CALCRL: variants seen among roughly 807,000 people sequenced by gnomAD.
The protein encoded by CALCRL is calcitonin receptor like receptor.
CALCRL carries 27 observed loss-of-function variants against 60.4 expected under a neutral mutation model. The ratio of observed to expected loss-of-function variants is 0.45; its 90% CI spans 0.33 to 0.62. The LOEUF (loss-of-function observed/expected upper bound fraction) is 0.62. Ranked by LOEUF, CALCRL falls within the 20% of genes least tolerant of loss-of-function variation. The pLI, the probability that CALCRL is intolerant of heterozygous loss-of-function variation, is 0.03. For synonymous variants in CALCRL, 190 were observed against 182.6 expected (o/e 1.04, Z -0.33); for missense variants, 424 against 540.7 (o/e 0.78, Z 2.14).
intron 1 of CALCRL, among the ~76,000 whole-genome samples, chr2:187,409,933 G>A (rs1689285840): frequency 1.3e-5 from 2 of 152,188 alleles, no homozygotes; most frequent in Admixed American, 1.3e-4. Flanking sequence ...AGAGAGCTGT[G>A]TCAGGTGAGG....
intron 12 of CALCRL, among the ~76,000 whole-genome samples, chr2:187,353,693 G>A (rs1241739567): frequency 6.6e-6 from 1 of 151,920 alleles, no homozygotes; most frequent in Non-Finnish European, 1.5e-5. Flanking sequence ...AAATCAACAT[G>A]TCAGCTGTTA....
chr2:187,342,328 C>T lies in CALCRL; in HGVS notation c.*3856G>A, dbSNP rs1378215423. ...AATGTAATGAAATTGGTGATGGTAG[C>T]GTGTCTCTATGGATGTATTAAAATA... On this transcript the variant is annotated 3_prime_UTR_variant, in exon 15 of 15. Transcript: ENST00000392370. 1.3e-5 allele frequency among the ~76,000 whole-genome samples: 2 copies of T among 151,562 alleles called. No individual in the cohort carries two copies. Among genetic ancestry groups the T allele is most frequent in the South Asian group, 2.1e-4 (1 of 4,828 alleles).
At position 187,346,152 on chromosome 2, in the gene CALCRL, C is replaced by A. The variant is rs1464291988; in HGVS notation, c.*32G>T. The A allele has an allele frequency of 7.1e-7, 1 of 1,414,298 alleles. No homozygotes were observed. The highest frequency in any genetic ancestry group is 1.2e-5 in the South Asian group (1 of 81,610). The allele number at this position is 1,414,298 out of a possible 1,614,324, so 87.6% of individuals were successfully genotyped here. On this transcript the variant is annotated 3_prime_UTR_variant, in exon 15 of 15. Transcript: ENST00000392370. ...GTCCAAGTCCTTGAGTTAGGAGAAG[C>A]ACAAAACAGTGAGACAACCATCCTT...
chr2:187,411,324 G>A (rs188712235), intron 1 of CALCRL, among the ~76,000 whole-genome samples: 1 of 152,226 alleles, frequency 6.6e-6, no homozygotes, highest in Admixed American at 6.5e-5. Context: ...TCTTGTTCAT[G>A]AGTGTATGTA....
intron 8 of CALCRL, among the ~76,000 whole-genome samples, chr2:187,377,112 G>T (rs1687789295): frequency 6.6e-6 from 1 of 152,102 alleles, no homozygotes; most frequent in African/African-American, 2.4e-5. Context: ...GCAAGTTAAT[G>T]ATTTTGATTT....
chr2:187,352,116 G>A lies in CALCRL; in HGVS notation c.1126C>T (p.Gln376Ter), dbSNP rs1686560939. The change falls in exon 13 of 15, where the codon CAG (glutamine) becomes TAG (stop). Residue 376 changes from glutamine to a stop codon, truncating the protein, a stop_gained and splice_region_variant. Coordinates refer to ENST00000392370, the MANE Select transcript of CALCRL (RefSeq NM_005795.6). LOFTEE classifies it high-confidence loss of function. ...DYIMHILMHFQGLLVSTIFCF... is the reference protein window; with the variant it reads ...DYIMHILMHF Reference sequence around the variant, plus strand: ...CCTTCTTATCAAGAATGCCATACCTGGAAGTGCATAAGGATGTGCATGATG... The same window carrying A: ...CCTTCTTATCAAGAATGCCATACCTAGAAGTGCATAAGGATGTGCATGATG... 6.2e-7 allele frequency: 1 copy of A among 1,610,624 alleles called. No homozygotes were observed. Among genetic ancestry groups the A allele is most frequent in the Admixed American group, 1.7e-5 (1 of 59,782 alleles).
At chr2:187,391,993 T>G (rs1441308666) in intron 1 of CALCRL, among the ~76,000 whole-genome samples, 1 of 152,126 alleles carries the variant, frequency 6.6e-6, no homozygotes, top group African/African-American at 2.4e-5. Flanking sequence ...AAAGCATGTT[T>G]TATTGTACAT....
At position 187,373,749 on chromosome 2, in the gene CALCRL, A is replaced by G. The variant is rs752130750; in HGVS notation, c.500+5191T>C. 6.5e-4 allele frequency among the ~76,000 whole-genome samples: 99 copies of G among 152,334 alleles called. 1 individual carries two copies. Among genetic ancestry groups the G allele is most frequent in the Non-Finnish European group, 1.1e-3 (76 of 68,030 alleles). ...ATAGCAAATCTATGATGTAGATACT[A>G]ATATGATCTGCATTTTTAATATGTA... On this transcript the variant is annotated intron_variant, in intron 8 of 14. Transcript: ENST00000392370.
intron 1 of CALCRL, among the ~76,000 whole-genome samples, chr2:187,439,892 G>C (rs1473700388): frequency 6.6e-6 from 1 of 152,056 alleles, no homozygotes; most frequent in African/African-American, 2.4e-5. Flanking sequence ...TGGAAGAAGA[G>C]ACATTTAAAG....
intron 8 of CALCRL, among the ~76,000 whole-genome samples, chr2:187,374,173 CAAGA>C (rs542506562): frequency 1.3e-5 from 2 of 151,578 alleles, no homozygotes; most frequent in Non-Finnish European, 1.5e-5. Flanking sequence ...ATCTCTAAAA[CAAGA>C]AAGAAAGAAA....
At chr2:187,386,158 GA>G (rs1158132211) in intron 3 of CALCRL, among the ~76,000 whole-genome samples, 1 of 57,160 alleles carries the variant, frequency 1.7e-5, no homozygotes, top group Non-Finnish European at 3.6e-5. Flanking sequence ...TAAGTAATTA[GA>G]AAACAACTTG....
chr2:187,346,094 T>C lies in CALCRL; in HGVS notation c.*90A>G. Reference sequence around the variant, plus strand: ...TCTTTATGACATTCAAAAAGTCATTTAATATTGAAGTCTTCTGGCTACAGA... The same window carrying C: ...TCTTTATGACATTCAAAAAGTCATTCAATATTGAAGTCTTCTGGCTACAGA... On this transcript the variant is annotated 3_prime_UTR_variant, in exon 15 of 15. Coordinates refer to ENST00000392370, the MANE Select transcript of CALCRL (RefSeq NM_005795.6). 1 of 732,812 alleles carries C rather than the reference T, an allele frequency of 1.4e-6. No homozygotes were observed. Among genetic ancestry groups the C allele is most frequent in the Non-Finnish European group, 2.2e-6 (1 of 446,522 alleles). 45.4% of individuals were successfully genotyped at this position (732,812 alleles called of 1,614,324 possible).
At chr2:187,372,437 C>G (rs1244533092) in intron 8 of CALCRL, among the ~76,000 whole-genome samples, 1 of 152,050 alleles carries the variant, frequency 6.6e-6, no homozygotes, top group African/African-American at 2.4e-5. Context: ...TTTTCCCCTC[C>G]CTCTCTGTTC....
intron 10 of CALCRL, among the ~76,000 whole-genome samples, chr2:187,359,738 A>T (rs1686966083): frequency 1.3e-5 from 2 of 152,142 alleles, no homozygotes; most frequent in African/African-American, 4.8e-5. Context: ...AAAAAAAGTG[A>T]TTAATTTATG....
intron 1 of CALCRL, among the ~76,000 whole-genome samples, chr2:187,425,627 T>C (rs1690084521): frequency 6.6e-6 from 1 of 152,002 alleles, no homozygotes; most frequent in Non-Finnish European, 1.5e-5. Flanking sequence ...CACTATATTT[T>C]CATGATAAGA....
At chr2:187,359,753 A>C (rs1686966717) in intron 10 of CALCRL, among the ~76,000 whole-genome samples, 1 of 152,136 alleles carries the variant, frequency 6.6e-6, no homozygotes, top group Non-Finnish European at 1.5e-5. Flanking sequence ...TTTATGTACC[A>C]AAAATTTGGC....
chr2:187,436,404 G>A (rs569235028), intron 1 of CALCRL, among the ~76,000 whole-genome samples: 21 of 152,230 alleles, frequency 1.4e-4, no homozygotes, highest in Admixed American at 2.0e-4. Context: ...AACCTGTAGA[G>A]GTCCTGAGAG....
At chr2:187,426,244 T>A (rs1410618380) in intron 1 of CALCRL, among the ~76,000 whole-genome samples, 2 of 149,592 alleles carry the variant, frequency 1.3e-5, no homozygotes, top group Non-Finnish European at 1.5e-5. Flanking sequence ...CATTTATTAT[T>A]TTTTTTTTTT....
chr2:187,410,419 GAA>G (rs144395937), intron 1 of CALCRL, among the ~76,000 whole-genome samples: 4 of 147,236 alleles, frequency 2.7e-5, no homozygotes, highest in Admixed American at 2.7e-4. Flanking sequence ...GAGAAAGAAA[GAA>G]AAAAAAAAGG....
Sources: allele counts gnomAD v4.1 joint callset (sites outside exome capture counted in the v4.1 genomes callset), GRCh38; gene constraint gnomAD v4.1.1; transcripts MANE v1.5; gene names NCBI Gene and HGNC (gene_info 2026-07-23, HGNC 2026-07-21).